The following ESCO1 variants were observed in gnomAD, a reference collection of about 807,000 sequenced individuals.
ESCO1 encodes N-acetyltransferase ESCO1.
ESCO1 carries 33 observed loss-of-function variants against 83.5 expected under a neutral mutation model. The observed-to-expected ratio is 0.40, with a 90% CI of 0.30 to 0.53. The LOEUF (loss-of-function observed/expected upper bound fraction) is 0.53. Among genes scored for constraint, ESCO1 ranks in the 20% least tolerant of loss-of-function variants. The probability of loss-of-function intolerance (pLI) is 0.63; values close to 1 mark genes in which losing one functional copy is unlikely to be tolerated. For synonymous variants in ESCO1, 332 were observed against 324.3 expected (o/e 1.02, Z -0.25); for missense variants, 855 against 968.0 (o/e 0.88, Z 1.55).
At chr18:21,582,687 A>C (rs2038518812) in intron 2 of ESCO1, among the ~76,000 whole-genome samples, 1 of 152,362 alleles carries the variant, frequency 6.6e-6, no homozygotes, top group African/African-American at 2.4e-5. Flanking sequence ...AACAACTACA[A>C]ATGGCTGGTA....
At chr18:21,562,368 A>G (rs1297488746) in intron 7 of ESCO1, among the ~76,000 whole-genome samples, 2 of 151,740 alleles carry the variant, frequency 1.3e-5, no homozygotes, top group Non-Finnish European at 2.9e-5. Context: ...CCCAGCTACT[A>G]GGGAGGCTGA....
At position 21,573,533 on chromosome 18, in the gene ESCO1, C is replaced by T. The variant is rs973730; in HGVS notation, c.1311G>A (p.Thr437=). The change falls in exon 4 of 12, where the codon ACG becomes ACA. Residue 437 remains threonine (T), a synonymous_variant. Transcript: ENST00000269214. ...LEMHHPVTQS[T]FLGTKLHDRN... ...TATCATGTAGCTTTGTCCCTAAAAA[C>T]GTACTTTGAGTCACTGGATGATGCA... 0.82 allele frequency: 1,331,135 copies of T among 1,613,740 alleles called. 550,338 individuals carry two copies. Among genetic ancestry groups the T allele is most frequent in the East Asian group, 0.97 (43,709 of 44,848 alleles).
intron 1 of ESCO1, among the ~76,000 whole-genome samples, chr18:21,587,654 T>C (rs2038600658): frequency 6.6e-6 from 1 of 152,108 alleles, no homozygotes; most frequent in Non-Finnish European, 1.5e-5. Flanking sequence ...AAGATAAAAG[T>C]AGCCAGGTGT....
chr18:21,540,172 G>A (rs1029944363), intron 8 of ESCO1, among the ~76,000 whole-genome samples, 163 bp from the exon 9 acceptor site: 2 of 151,894 alleles, frequency 1.3e-5, no homozygotes, highest in African/African-American at 2.4e-5. Flanking sequence ...ATGATAAATC[G>A]GCTATTTTGT....
chr18:21,562,800 G>C (rs1018413068), intron 7 of ESCO1, among the ~76,000 whole-genome samples: 1 of 151,414 alleles, frequency 6.6e-6, no homozygotes, highest in Admixed American at 6.6e-5. Flanking sequence ...AATTTAAAAT[G>C]TAACTTTAAA....
rs1006870679 is a variant in ESCO1, at chr18:21,574,293, G to A, written c.551C>T (p.Ser184Phe). The A allele has an allele frequency of 6.2e-7, 1 of 1,613,726 alleles. No individual in the cohort carries two copies. The highest frequency in any genetic ancestry group is 8.5e-7 in the Non-Finnish European group (1 of 1,179,990). The change falls in exon 4 of 12, where the codon TCT (serine) becomes TTT (phenylalanine). Residue 184 changes from serine (S) to phenylalanine (F), a missense_variant. Around this residue, in one of 2 missense-constraint regions of ESCO1, gnomAD observed 726 missense variants for 699.5 expected, o/e 1.04. Coordinates refer to ENST00000269214, the MANE Select transcript of ESCO1 (RefSeq NM_052911.3). ...TAGATTTTCATCTTCTTTAGAGTCA[G>A]ACTTTACTTCCAGTACTTTTCTCTT... ...HVKRKVLEVK[S>F]DSKEDENLVI... is the part of the protein sequence containing the mutation.
In ESCO1 at chr18:21,530,533, T is replaced by A. The variant is rs760187755; in HGVS notation, c.2376-43A>T. ...GGGGGGGGAAGGGTTAAGTGTGAAA[T>A]GTTAAAAAAAAAAAAATTCTAATCA... On this transcript the variant is annotated intron_variant, in intron 11 of 11. Coordinates refer to ENST00000269214, the MANE Select transcript of ESCO1 (RefSeq NM_052911.3). 1.2e-5 allele frequency: 16 copies of A among 1,334,144 alleles called. 1 individual carries two copies. Among genetic ancestry groups the A allele is most frequent in the African/African-American group, 3.2e-5 (2 of 61,628 alleles). 82.6% of individuals were successfully genotyped at this position (1,334,144 alleles called of 1,614,324 possible).
At chr18:21,541,322 C>T (rs181007173) in intron 8 of ESCO1, among the ~76,000 whole-genome samples, 5 of 152,058 alleles carry the variant, frequency 3.3e-5, no homozygotes, top group Admixed American at 3.3e-4. Flanking sequence ...AACTTAAGGC[C>T]GGGTGCAGTG....
At chr18:21,575,484 A>G (rs1446471593) in intron 3 of ESCO1, 54 bp from the exon 4 acceptor site, 5 of 398,226 alleles carry the variant, frequency 1.3e-5, no homozygotes, top group South Asian at 1.3e-4. Context: ...AAATATGTCA[A>G]TGCTAATACT....
intron 8 of ESCO1, among the ~76,000 whole-genome samples, chr18:21,546,083 A>G (rs1258397221): frequency 6.6e-6 from 1 of 152,264 alleles, no homozygotes; most frequent in Non-Finnish European, 1.5e-5. Flanking sequence ...ATTTGTACTG[A>G]CTACCTACCA....
intron 8 of ESCO1, among the ~76,000 whole-genome samples, chr18:21,546,691 C>T (rs1285457137): frequency 6.6e-6 from 1 of 152,154 alleles, no homozygotes; most frequent in African/African-American, 2.4e-5. Context: ...GGACCACAGG[C>T]ATGCAGCCCA....
intron 8 of ESCO1, chr18:21,540,555 A>C: frequency 7.7e-7 from 1 of 1,302,524 alleles, no homozygotes; most frequent in Non-Finnish European, 1.0e-6. Context: ...CACAAGAAGG[A>C]GACTATAAAA....
intron 1 of ESCO1, among the ~76,000 whole-genome samples, chr18:21,588,543 T>C (rs2038615288): frequency 6.6e-6 from 1 of 151,408 alleles, no homozygotes; most frequent in East Asian, 1.9e-4. Flanking sequence ...AAGGTGAAAA[T>C]AGTAACTTAC....
At position 21,573,847 on chromosome 18, in the gene ESCO1, C is replaced by T. The variant is rs776533613; in HGVS notation, c.997G>A (p.Glu333Lys). The T allele has an allele frequency of 6.2e-7, 1 of 1,613,928 alleles. No individual in the cohort carries two copies. The highest frequency in any genetic ancestry group is 1.3e-5 in the African/African-American group (1 of 74,906). Residue 333 changes from glutamate to lysine, a missense_variant, in exon 4 of 12, where the codon GAA (glutamate) becomes AAA (lysine). Glu to Lys is a moderately conservative substitution (Grantham distance 56). Around this residue, in one of 2 missense-constraint regions of ESCO1, gnomAD observed 726 missense variants for 699.5 expected, o/e 1.04. Transcript: ENST00000269214. ...AATTTTATTTCTGTGGGCTTTTCTTCCTTTACACTTTCCATTTGTGAAGAT... is the reference window on the plus strand; with the variant it reads ...AATTTTATTTCTGTGGGCTTTTCTTTCTTTACACTTTCCATTTGTGAAGAT... ...KESSQMESVK[E>K]EKPTEIKLEE...
At chr18:21,533,427 C>T (rs1227309228) in intron 10 of ESCO1, among the ~76,000 whole-genome samples, 1 of 152,018 alleles carries the variant, frequency 6.6e-6, no homozygotes, top group East Asian at 1.9e-4. Flanking sequence ...TCCCAAGTAG[C>T]TGAGATTACA....
chr18:21,589,858 C>T lies in ESCO1; in HGVS notation c.-824-5418G>A, dbSNP rs546028849. ...TTTTTTTTCCTCTCTTTTTTTTTCT[C>T]GCTCTGTCACCCAGGCTGGAGTGCA... is the stretch of plus-strand genomic sequence containing the variant. On this transcript the variant is annotated intron_variant, in intron 1 of 11. Transcript: ENST00000269214. Among the ~76,000 whole-genome samples the T allele has an allele frequency of 9.8e-4, 149 of 151,872 alleles. 1 individual carries two copies. The highest frequency in any genetic ancestry group is 1.8e-3 in the Non-Finnish European group (125 of 67,954).
chr18:21,577,591 C>T (rs1478268440), intron 2 of ESCO1, among the ~76,000 whole-genome samples: 4 of 145,974 alleles, frequency 2.7e-5, no homozygotes, highest in Admixed American at 7.1e-5. Context: ...ATCCAGGAGG[C>T]GGAGCTTGCA....
intron 8 of ESCO1, among the ~76,000 whole-genome samples, chr18:21,541,251 C>CT (rs1324459559): frequency 1.3e-5 from 2 of 151,902 alleles, no homozygotes; most frequent in Admixed American, 1.3e-4. Context: ...CACAGAAGTC[C>CT]TTTTTTCATC....
chr18:21,577,355 CTT>C (rs71178186), intron 2 of ESCO1, among the ~76,000 whole-genome samples: 2 of 51,404 alleles, frequency 3.9e-5, no homozygotes, highest in African/African-American at 1.4e-4. Context: ...GAGACTCCAT[CTT>C]TTTTAAAAAA....
Sources: gnomAD v4.1 joint callset for allele counts (sites outside exome capture counted in the v4.1 genomes callset) on GRCh38, gnomAD v4.1.1 for gene constraint, gnomAD v4.1.1 regional missense constraint, MANE v1.5 for transcripts, NCBI Gene and HGNC (gene_info 2026-07-23, HGNC 2026-07-21) for gene names.